Variants in PAX3 observed in about 807,000 individuals in gnomAD.
PAX3 encodes paired box 3, also known as paired box protein Pax-3.
Under a neutral mutation model 51.6 loss-of-function variants are expected in PAX3, and 14 were observed. The ratio of observed to expected loss-of-function variants is 0.27; its 90% CI spans 0.18 to 0.42. The LOEUF (loss-of-function observed/expected upper bound fraction) is 0.42. Among genes scored for constraint, PAX3 ranks in the 10% least tolerant of loss-of-function variants. PAX3 has a pLI of 1.00. For missense variants in PAX3, 540 were observed against 642.8 expected (o/e 0.84, Z 1.73); for synonymous variants, 280 against 253.4 (o/e 1.11, Z -1.00).
rs45437593 is a variant in PAX3, at chr2:222,295,931, A to T, written c.322-274T>A. Among the ~76,000 whole-genome samples, 748 of 152,130 alleles carry T rather than the reference A, an allele frequency of 4.9e-3. 7 individuals are homozygous for T. The highest frequency in any genetic ancestry group is 0.016 in the African/African-American group (672 of 41,538). On this transcript the variant is annotated intron_variant, in intron 2 of 8. Transcript: ENST00000392070. ...AATTCAGAAGAATTATAACATCTTGATGGGGGTAGGGTGGGGTTATACTTT... is the reference window on the plus strand; with the variant it reads ...AATTCAGAAGAATTATAACATCTTGTTGGGGGTAGGGTGGGGTTATACTTT...
chr2:222,218,606 C>G (rs1692060990), intron 7 of PAX3, among the ~76,000 whole-genome samples: 1 of 152,144 alleles, frequency 6.6e-6, no homozygotes, highest in Non-Finnish European at 1.5e-5. Context: ...GATGTTACTT[C>G]TAAGTTGTGG....
intron 5 of PAX3, among the ~76,000 whole-genome samples, chr2:222,231,561 A>G (rs533358503): frequency 3.2e-4 from 48 of 152,338 alleles, no homozygotes; most frequent in African/African-American, 1.1e-3. Flanking sequence ...GCACATTTTC[A>G]TAATTGAAAG....
At chr2:222,284,327 G>A (rs372631739) in intron 4 of PAX3, among the ~76,000 whole-genome samples, 23 of 152,240 alleles carry the variant, frequency 1.5e-4, no homozygotes, top group African/African-American at 2.4e-4. Context: ...AAAAAGCAAC[G>A]TATTTGTCAA....
intron 4 of PAX3, among the ~76,000 whole-genome samples, chr2:222,271,706 T>C (rs1260726994): frequency 6.6e-6 from 1 of 152,238 alleles, no homozygotes; most frequent in Non-Finnish European, 1.5e-5. Flanking sequence ...GGTTTCTTAT[T>C]TCCTATGTAA....
At chr2:222,271,392 A>G (rs1456635908) in intron 4 of PAX3, among the ~76,000 whole-genome samples, 2 of 152,198 alleles carry the variant, frequency 1.3e-5, no homozygotes, top group African/African-American at 4.8e-5. Flanking sequence ...TCAGGATGCT[A>G]TGGTCATGTA....
At chr2:222,277,932 C>CA (rs745911501) in intron 4 of PAX3, among the ~76,000 whole-genome samples, 31,737 of 90,222 alleles carry the variant, frequency 0.35, 5,633 homozygotes, top group East Asian at 0.68. Context: ...GACTCCATCT[C>CA]AAAAAAAAAA....
intron 4 of PAX3, among the ~76,000 whole-genome samples, chr2:222,282,523 C>G (rs959123460): frequency 2.0e-5 from 3 of 152,156 alleles, no homozygotes; most frequent in African/African-American, 7.2e-5. Flanking sequence ...AAAATAAATA[C>G]AAGACCATAT....
At chr2:222,283,359 C>CTT (rs1338254911) in intron 4 of PAX3, among the ~76,000 whole-genome samples, 6 of 152,094 alleles carry the variant, frequency 3.9e-5, no homozygotes, top group Non-Finnish European at 5.9e-5. Context: ...AATGTAATTA[C>CTT]TTGGTTGGCA....
At chr2:222,280,334 G>A (rs1185756728) in intron 4 of PAX3, among the ~76,000 whole-genome samples, 2 of 135,068 alleles carry the variant, frequency 1.5e-5, no homozygotes, top group Non-Finnish European at 3.2e-5. Context: ...GGGGAGGGGA[G>A]GGAGGAAGGA....
chr2:222,287,710 G>T (rs1479627807), intron 4 of PAX3, among the ~76,000 whole-genome samples: 3 of 152,212 alleles, frequency 2.0e-5, no homozygotes, highest in African/African-American at 7.2e-5. Context: ...ACACTGCAAT[G>T]TTTGGTAGTA....
chr2:222,273,367 A>G (rs921189477), intron 4 of PAX3, among the ~76,000 whole-genome samples: 9 of 152,132 alleles, frequency 5.9e-5, no homozygotes, highest in Non-Finnish European at 1.3e-4. Context: ...GTGTTTAAAC[A>G]CCAAGAAGGT....
intron 4 of PAX3, among the ~76,000 whole-genome samples, chr2:222,245,353 T>C (rs1370654836): frequency 6.6e-6 from 1 of 152,224 alleles, no homozygotes; most frequent in Non-Finnish European, 1.5e-5. Flanking sequence ...AGGCAAATTC[T>C]TGTCTTCTCT....
chr2:222,265,224 A>G (rs1266371814), intron 4 of PAX3: 1 of 152,236 alleles, frequency 6.6e-6, no homozygotes, highest in Non-Finnish European at 1.5e-5. Context: ...ATTTTGCTGT[A>G]CATGTCTCAT....
At position 222,297,088 on chromosome 2, in the gene PAX3, C is replaced by T. The variant is rs867285013; in HGVS notation, c.211G>A (p.Val71Ile). The T allele has an allele frequency of 6.2e-7, 1 of 1,613,994 alleles. No individual in the cohort carries two copies. Among genetic ancestry groups the T allele is most frequent in the African/African-American group, 1.3e-5 (1 of 74,964 alleles). Residue 71 changes from valine to isoleucine, a missense_variant, in exon 2 of 9, where the codon GTC becomes ATC. Around this residue, in one of 3 missense-constraint regions of PAX3, gnomAD observed 50 missense variants for 109.3 expected, o/e 0.46. Coordinates refer to ENST00000392070, the MANE Select transcript of PAX3 (RefSeq NM_181458.4). The part of the protein sequence containing the change: ...EMAHHGIRPC[V>I]ISRQLRVSHG... The stretch of plus-strand genomic sequence containing the variant: ...GACACGCGCAGCTGGCGCGAGATGA[C>T]GCAGGGCCGGATGCCGTGGTGGGCC...
chr2:222,279,875 G>T (rs537478715), intron 4 of PAX3, among the ~76,000 whole-genome samples: 1 of 152,044 alleles, frequency 6.6e-6, no homozygotes, highest in South Asian at 2.1e-4. Context: ...GAAATGGTTG[G>T]TCTCCTTATC....
intron 4 of PAX3, chr2:222,263,832 A>G (rs1178694081): frequency 6.6e-6 from 1 of 152,216 alleles, no homozygotes; most frequent in African/African-American, 2.4e-5. Flanking sequence ...GACACATGCA[A>G]TGACTTGGGT....
At chr2:222,206,018 C>T (rs1054915939) in intron 7 of PAX3, among the ~76,000 whole-genome samples, 13 of 152,040 alleles carry the variant, frequency 8.6e-5, no homozygotes, top group Admixed American at 5.2e-4. Flanking sequence ...CTACAAATTC[C>T]TTCAAATTTG....
intron 4 of PAX3, among the ~76,000 whole-genome samples, chr2:222,254,158 TAAA>T: frequency 6.6e-6 from 1 of 151,774 alleles, no homozygotes. Context: ...ATTTTTTTTT[TAAA>T]AAAAAGTTTC....
Position 222,201,341 on chromosome 2 carries a change from G to C in PAX3, c.*67C>G. On this transcript the variant is annotated 3_prime_UTR_variant, in exon 9 of 9. Coordinates refer to ENST00000392070, the MANE Select transcript of PAX3 (RefSeq NM_181458.4). ...GTAATTTTTTTTTGTTTTCAGAGCA[G>C]ATTCTTCATATCTAGGCTGCGAAGA... 1.2e-6 allele frequency: 2 copies of C among 1,611,650 alleles called. No homozygotes were observed. The highest frequency in any genetic ancestry group is 1.7e-6 in the Non-Finnish European group (2 of 1,179,822).
Sources: gnomAD v4.1 joint callset for allele counts (sites outside exome capture counted in the v4.1 genomes callset) on GRCh38, gnomAD v4.1.1 for gene constraint, gnomAD v4.1.1 regional missense constraint, MANE v1.5 for transcripts, NCBI Gene and HGNC (gene_info 2026-07-23, HGNC 2026-07-21) for gene names.